Variants in SHISA9 observed in about 807,000 individuals in gnomAD.
The protein encoded by SHISA9 is shisa family member 9, also known as protein shisa-9.
A neutral mutation model predicts 38.0 loss-of-function variants in SHISA9; 13 were observed. That is an observed-to-expected ratio of 0.34 (90% CI 0.22 to 0.54). The LOEUF (loss-of-function observed/expected upper bound fraction) is 0.54, where lower values mean the gene tolerates loss of function less well. Among genes scored for constraint, SHISA9 ranks in the 20% least tolerant of loss-of-function variants. The probability of loss-of-function intolerance (pLI) is 0.91; values close to 1 mark genes in which losing one functional copy is unlikely to be tolerated. For missense variants in SHISA9, 538 were observed against 575.8 expected, an observed-to-expected ratio of 0.93 and a Z score of 0.67; for synonymous variants, 275 against 242.0, an observed-to-expected ratio of 1.14 and a Z score of -1.27.
the SHISA9 span, among the ~76,000 whole-genome samples, chr16:13,398,598 C>T: frequency 6.6e-6 from 1 of 151,854 alleles, no homozygotes; most frequent in African/African-American, 2.4e-5. Flanking sequence ...CCCCCCACCC[C>T]ACCTCCGGTT....
chr16:13,186,597 A>G (rs1596712298), intron 2 of SHISA9, among the ~76,000 whole-genome samples: 1 of 152,210 alleles, frequency 6.6e-6, no homozygotes, highest in East Asian at 1.9e-4. Context: ...GTGCCCAGCC[A>G]TCCATCTTAA....
In SHISA9 at chr16:12,950,701, C is replaced by T. The variant is rs377748557; in HGVS notation, c.691+33886C>T. On this transcript the variant is annotated intron_variant, in intron 2 of 4. Transcript: ENST00000558583. ...TCGGCTCACTGCAACCTCCACCTCCCGGGTTCAAGCTATTCTCCTGCCTCA... is the reference window on the plus strand; with the variant it reads ...TCGGCTCACTGCAACCTCCACCTCCTGGGTTCAAGCTATTCTCCTGCCTCA... Among the ~76,000 whole-genome samples, 13 of 151,838 alleles carry T rather than the reference C, an allele frequency of 8.6e-5. No individual in the cohort carries two copies. The South Asian group carries it at 2.1e-3, about 24-fold the overall frequency.
chr16:13,397,277 C>T, the SHISA9 span, among the ~76,000 whole-genome samples: 28 of 152,248 alleles, frequency 1.8e-4, no homozygotes, highest in African/African-American at 6.5e-4. Flanking sequence ...GGGTGTGGCT[C>T]GCTTCTTTGG....
intron 2 of SHISA9, among the ~76,000 whole-genome samples, chr16:13,176,491 A>G (rs1479604514): frequency 1.3e-5 from 2 of 152,190 alleles, no homozygotes; most frequent in Admixed American, 6.5e-5. Context: ...GCCTGATGCC[A>G]CCACTCTTGT....
the SHISA9 span, among the ~76,000 whole-genome samples, chr16:13,528,355 A>G: frequency 6.6e-6 from 1 of 151,992 alleles, no homozygotes; most frequent in Non-Finnish European, 1.5e-5. Flanking sequence ...AAGATGTTTT[A>G]TTTTAAAAGT....
chr16:13,382,383 C>T, the SHISA9 span, among the ~76,000 whole-genome samples: 1 of 151,644 alleles, frequency 6.6e-6, no homozygotes, highest in Non-Finnish European at 1.5e-5. Context: ...CAAAAAATAG[C>T]TGGGTGTGGT....
intron 2 of SHISA9, among the ~76,000 whole-genome samples, chr16:12,963,701 G>A (rs1021127615): frequency 2.0e-5 from 3 of 152,174 alleles, no homozygotes; most frequent in African/African-American, 7.2e-5. Context: ...ATGATTATAA[G>A]GCTAGGAAGG....
chr16:13,550,714 C>A, the SHISA9 span, among the ~76,000 whole-genome samples: 1 of 152,230 alleles, frequency 6.6e-6, no homozygotes, highest in Non-Finnish European at 1.5e-5. Context: ...TAAGTATTCA[C>A]TGCGAATGGA....
the SHISA9 span, among the ~76,000 whole-genome samples, chr16:13,559,280 G>A: frequency 6.6e-6 from 1 of 152,140 alleles, no homozygotes; most frequent in Non-Finnish European, 1.5e-5. Context: ...TTTTGTAGAT[G>A]GGAAGCTAAA....
the SHISA9 span, among the ~76,000 whole-genome samples, chr16:13,253,117 TTATTA>T: frequency 8.5e-5 from 13 of 152,244 alleles, no homozygotes; most frequent in African/African-American, 2.7e-4. Flanking sequence ...CTAGCTTACT[TTATTA>T]TAAGAATACA....
In SHISA9 at chr16:13,239,801, G is replaced by A. The variant is rs1429482305; in HGVS notation, c.*4392G>A. 6.6e-6 allele frequency: 1 copy of A among 151,990 alleles called. No individual in the cohort carries two copies. The highest frequency in any genetic ancestry group is 2.4e-5 in the African/African-American group (1 of 41,380). The allele number at this position is 151,990 out of a possible 1,614,324, so 9.4% of individuals were successfully genotyped here. A position where few individuals can be genotyped will look rare whatever the true frequency, so the allele number is the denominator to read the frequency against. On this transcript the variant is annotated 3_prime_UTR_variant, in exon 5 of 5. Transcript: ENST00000558583. ...TTGTAGGTTGCCTGTTCACTCTGAT[G>A]GTAGTTTCTTTTGCTGTGCAGAAGC...
the SHISA9 span, among the ~76,000 whole-genome samples, chr16:13,370,747 T>C: frequency 6.6e-6 from 1 of 152,156 alleles, no homozygotes; most frequent in African/African-American, 2.4e-5. Context: ...TAAACTACCC[T>C]CTATTTGAAT....
chr16:13,462,467 T>C, the SHISA9 span, among the ~76,000 whole-genome samples: 6 of 152,092 alleles, frequency 3.9e-5, no homozygotes, highest in African/African-American at 1.4e-4. Flanking sequence ...TCAGAGGATA[T>C]TATGTCTCGT....
At chr16:13,105,589 T>G (rs2073918566) in intron 2 of SHISA9, among the ~76,000 whole-genome samples, 1 of 152,196 alleles carries the variant, frequency 6.6e-6, no homozygotes, top group South Asian at 2.1e-4. Flanking sequence ...AGGGAGGTCT[T>G]GGCCCGTGCC....
rs1207009290 is a variant in SHISA9, at chr16:13,235,289, C to G, written c.1155C>G (p.Asn385Lys). The G allele has an allele frequency of 9.7e-6, 15 of 1,551,480 alleles. No individual in the cohort carries two copies. The highest frequency in any genetic ancestry group is 1.3e-5 in the Non-Finnish European group (15 of 1,147,020). Residue 385 changes from asparagine to lysine, a missense_variant, in exon 5 of 5, where the codon AAC (asparagine) becomes AAG (lysine). By Grantham distance (94) the Asn-to-Lys change is moderately conservative. Around this residue, in one of 4 missense-constraint regions of SHISA9, gnomAD observed 326 missense variants for 305.9 expected, o/e 1.07. Coordinates refer to ENST00000558583, the MANE Select transcript of SHISA9 (RefSeq NM_001145204.3). ...CCCTCCGGCGGCAGGCTTACAGCAA[C>G]AAGGGCAAGCTTGGCACGGCCGAGA... ...EQSLRRQAYS[N>K]KGKLGTAETG...
the SHISA9 span, among the ~76,000 whole-genome samples, chr16:13,428,402 A>C: frequency 6.6e-6 from 1 of 152,228 alleles, no homozygotes; most frequent in East Asian, 1.9e-4. Flanking sequence ...AAAGCTGTCA[A>C]GGGCTGGCTT....
chr16:12,977,098 A>G (rs1298467864), intron 2 of SHISA9, among the ~76,000 whole-genome samples: 1 of 152,128 alleles, frequency 6.6e-6, no homozygotes, highest in East Asian at 1.9e-4. Context: ...TGAAATGTGA[A>G]TGGAAGCCTT....
chr16:13,015,890 C>CT (rs768484604), intron 2 of SHISA9, among the ~76,000 whole-genome samples: 47 of 117,118 alleles, frequency 4.0e-4, no homozygotes, highest in African/African-American at 1.4e-3. Flanking sequence ...TTCTTTCTTT[C>CT]TTTCTTTCTT....
chr16:13,433,232 A>G, the SHISA9 span, among the ~76,000 whole-genome samples: 2 of 152,348 alleles, frequency 1.3e-5, no homozygotes, highest in East Asian at 3.9e-4. Context: ...ACAGGAGGCA[A>G]TAAGCCTCCA....
Sources: allele counts gnomAD v4.1 joint callset (sites outside exome capture counted in the v4.1 genomes callset), GRCh38; gene constraint gnomAD v4.1.1; regional missense constraint gnomAD v4.1.1; transcripts MANE v1.5; gene names NCBI Gene and HGNC (gene_info 2026-07-23, HGNC 2026-07-21).